AKAP19: variants seen among roughly 807,000 people sequenced by gnomAD.
AKAP19 encodes the protein A-kinase anchoring protein 19.
the AKAP19 span, among the ~76,000 whole-genome samples, chr2:189,993,312 C>T: frequency 1.3e-5 from 2 of 152,164 alleles, no homozygotes; most frequent in African/African-American, 2.4e-5. Context: ...TGATATATCA[C>T]ATTTATTGAC....
chr2:190,198,318 T>A, the AKAP19 span, among the ~76,000 whole-genome samples: 1 of 152,104 alleles, frequency 6.6e-6, no homozygotes, highest in Non-Finnish European at 1.5e-5. Context: ...AAAAAATGAA[T>A]TAGATGCACG....
chr2:189,981,387 T>C, the AKAP19 span, among the ~76,000 whole-genome samples: 1 of 152,080 alleles, frequency 6.6e-6, no homozygotes, highest in Non-Finnish European at 1.5e-5. Context: ...ACTTTGAGCC[T>C]GTGGGTGTCA....
chr2:189,936,746 T>C, the AKAP19 span, among the ~76,000 whole-genome samples: 1 of 152,196 alleles, frequency 6.6e-6, no homozygotes, highest in Admixed American at 6.5e-5. Flanking sequence ...AACAACAGAA[T>C]GAATCTCAAA....
At chr2:190,118,647 G>T in the AKAP19 span, among the ~76,000 whole-genome samples, 1 of 152,132 alleles carries the variant, frequency 6.6e-6, no homozygotes, top group Non-Finnish European at 1.5e-5. Context: ...TGCAGAAAAG[G>T]CCTGTGACAA....
At chr2:190,019,944 T>A in the AKAP19 span, among the ~76,000 whole-genome samples, 1 of 152,238 alleles carries the variant, frequency 6.6e-6, no homozygotes, top group Non-Finnish European at 1.5e-5. Context: ...TGTGGATAGT[T>A]GCTAGTTGAA....
the AKAP19 span, among the ~76,000 whole-genome samples, chr2:189,922,769 C>A: frequency 6.6e-6 from 1 of 152,048 alleles, no homozygotes. Context: ...TTAACCTGGC[C>A]CTAACCATAT....
At chr2:190,034,435 A>G in the AKAP19 span, among the ~76,000 whole-genome samples, 6 of 146,222 alleles carry the variant, frequency 4.1e-5, no homozygotes, top group African/African-American at 1.5e-4. Flanking sequence ...AAAAAAATCA[A>G]CTGTTTAGAA....
chr2:189,889,140 A>T, the AKAP19 span, among the ~76,000 whole-genome samples: 1 of 152,018 alleles, frequency 6.6e-6, no homozygotes, highest in Non-Finnish European at 1.5e-5. Context: ...AGTTTTTAGT[A>T]TGAAGGGGTG....
At chr2:190,166,317 C>CTTTTTTTTT in the AKAP19 span, among the ~76,000 whole-genome samples, 217 of 65,302 alleles carry the variant, frequency 3.3e-3, 2 homozygotes, top group African/African-American at 5.2e-3. Context: ...AAAATCCACT[C>CTTTTTTTTT]TTTTTTTTTT....
chr2:189,965,976 G>A, the AKAP19 span, among the ~76,000 whole-genome samples: 45 of 151,906 alleles, frequency 3.0e-4, no homozygotes, highest in Admixed American at 7.2e-4. Context: ...GTGTGTATGT[G>A]TATATATATA....
chr2:189,990,105 A>G, the AKAP19 span, among the ~76,000 whole-genome samples: 4 of 152,184 alleles, frequency 2.6e-5, no homozygotes, highest in Non-Finnish European at 4.4e-5. Flanking sequence ...TTCCTTTGCA[A>G]TCTGATTGCT....
At chr2:190,125,293 A>G in the AKAP19 span, among the ~76,000 whole-genome samples, 33 of 150,392 alleles carry the variant, frequency 2.2e-4, no homozygotes, top group South Asian at 4.2e-4. Context: ...TGGGACCCTC[A>G]TATACACAGT....
chr2:190,019,980 G>A, the AKAP19 span, among the ~76,000 whole-genome samples: 2 of 152,148 alleles, frequency 1.3e-5, no homozygotes, highest in Non-Finnish European at 2.9e-5. Flanking sequence ...AGTGAGGACT[G>A]GGACCTCCTA....
the AKAP19 span, among the ~76,000 whole-genome samples, chr2:189,944,811 T>A: frequency 1.3e-5 from 2 of 152,140 alleles, no homozygotes; most frequent in African/African-American, 4.8e-5. Context: ...CATCAACACA[T>A]GGAAAATTCT....
chr2:190,089,467 T>C, the AKAP19 span: 1 of 152,168 alleles, frequency 6.6e-6, no homozygotes, highest in Admixed American at 6.6e-5. Flanking sequence ...AAAAATTCTA[T>C]GTACACCTGA....
chr2:190,057,603 T>C, the AKAP19 span: 1 of 1,613,398 alleles, frequency 6.2e-7, no homozygotes, highest in Non-Finnish European at 8.5e-7. Flanking sequence ...TGGATCTTTT[T>C]GGTGTGTCTG....
chr2:189,958,375 C>T, the AKAP19 span, among the ~76,000 whole-genome samples: 1 of 151,824 alleles, frequency 6.6e-6, no homozygotes, highest in Admixed American at 6.6e-5. Flanking sequence ...GAATATCAAA[C>T]ATTGACAGGA....
At chr2:189,939,943 G>A in the AKAP19 span, among the ~76,000 whole-genome samples, 48 of 151,602 alleles carry the variant, frequency 3.2e-4, no homozygotes, top group Admixed American at 3.1e-3. Flanking sequence ...TCAGGAGTTC[G>A]AGACCAGCCT....
At chr2:190,171,313 C>T in the AKAP19 span, among the ~76,000 whole-genome samples, 1 of 151,802 alleles carries the variant, frequency 6.6e-6, no homozygotes, top group African/African-American at 2.4e-5. Context: ...AAAATGAAGC[C>T]AAAAGAGGTA....
Sources: allele counts gnomAD v4.1 joint callset (sites outside exome capture counted in the v4.1 genomes callset), GRCh38; gene constraint gnomAD v4.1.1; transcripts MANE v1.5; gene names NCBI Gene and HGNC (gene_info 2026-07-23, HGNC 2026-07-21).